Variants in SYT14 observed in about 807,000 individuals in gnomAD.
SYT14 encodes the protein synaptotagmin-14.
A neutral mutation model predicts 74.2 loss-of-function variants in SYT14; 32 were observed. The ratio of observed to expected loss-of-function variants is 0.43; its 90% CI spans 0.33 to 0.58. The LOEUF (loss-of-function observed/expected upper bound fraction) is 0.58, where lower values mean the gene tolerates loss of function less well. Ranked by LOEUF, SYT14 falls within the 20% of genes least tolerant of loss-of-function variation. SYT14 has a pLI of 0.05. For synonymous variants in SYT14, 298 were observed against 337.7 expected (o/e 0.88, Z 1.29); for missense variants, 791 against 981.8 (o/e 0.81, Z 2.60).
At chr1:210,067,753 C>T (rs1429232520) in intron 5 of SYT14, among the ~76,000 whole-genome samples, 1 of 151,770 alleles carries the variant, frequency 6.6e-6, no homozygotes, top group East Asian at 1.9e-4. Context: ...GGTGGTATTT[C>T]ACATTTTTGT....
chr1:209,955,304 A>AT (rs1379215258), intron 2 of SYT14, among the ~76,000 whole-genome samples: 1 of 152,002 alleles, frequency 6.6e-6, no homozygotes, highest in Non-Finnish European at 1.5e-5. Context: ...GCAAGTCTTG[A>AT]TTTTCTTACC....
intron 5 of SYT14, among the ~76,000 whole-genome samples, chr1:210,073,620 T>G (rs2081434995): frequency 6.6e-6 from 1 of 152,032 alleles, no homozygotes; most frequent in Admixed American, 6.5e-5. Context: ...CCCAACAAAC[T>G]GTACTGTTAA....
At chr1:210,132,438 G>C (rs1205704305) in intron 7 of SYT14, among the ~76,000 whole-genome samples, 5 of 152,030 alleles carry the variant, frequency 3.3e-5, no homozygotes, top group African/African-American at 1.2e-4. Flanking sequence ...GTGCAGGTTT[G>C]TTGTATAGGT....
intron 2 of SYT14, among the ~76,000 whole-genome samples, chr1:209,992,730 G>C (rs928525244): frequency 6.6e-6 from 1 of 152,030 alleles, no homozygotes; most frequent in African/African-American, 2.4e-5. Flanking sequence ...AAAACTGAAG[G>C]GGGGACAAGA....
At chr1:210,092,373 G>T (rs1397061761) in intron 5 of SYT14, among the ~76,000 whole-genome samples, 2 of 152,170 alleles carry the variant, frequency 1.3e-5, no homozygotes, top group Admixed American at 6.6e-5. Flanking sequence ...AAAGGGGCAT[G>T]CCAGTAGAGT....
chr1:209,973,919 G>A (rs1001393174), intron 2 of SYT14, among the ~76,000 whole-genome samples: 1 of 152,156 alleles, frequency 6.6e-6, no homozygotes, highest in African/African-American at 2.4e-5. Context: ...GGTGTGAGAT[G>A]GTATCTCATT....
intron 5 of SYT14, among the ~76,000 whole-genome samples, chr1:210,030,886 T>G (rs1044426523): frequency 2.0e-5 from 3 of 150,534 alleles, no homozygotes; most frequent in African/African-American, 7.3e-5. Flanking sequence ...TAAAACTAAT[T>G]AGTATGGGAA....
chr1:210,159,666 T>C (rs909306432), intron 9 of SYT14, among the ~76,000 whole-genome samples, 189 bp downstream of exon 8: 4 of 152,226 alleles, frequency 2.6e-5, no homozygotes, highest in Non-Finnish European at 5.9e-5. Flanking sequence ...TCAGAGCATA[T>C]ATGAAATAAG....
intron 7 of SYT14, among the ~76,000 whole-genome samples, chr1:210,127,487 G>T (rs572668692): frequency 6.6e-6 from 1 of 152,288 alleles, no homozygotes; most frequent in South Asian, 2.1e-4. Context: ...AAATGCAAGT[G>T]CTGGCATTTT....
intron 7 of SYT14, among the ~76,000 whole-genome samples, chr1:210,127,112 T>A (rs1018477582): frequency 3.3e-5 from 5 of 152,214 alleles, no homozygotes; most frequent in African/African-American, 1.2e-4. Context: ...CATACTCATT[T>A]ATAAGTTAAA....
chr1:210,170,720 AAAT>A (rs1466063579), exon 10 of SYT14: 1 of 152,184 alleles, frequency 6.6e-6, no homozygotes, highest in East Asian at 1.9e-4. Flanking sequence ...ACACAAAATA[AAAT>A]AATGTCAATT....
At chr1:210,047,147 T>A (rs1188059801) in intron 5 of SYT14, among the ~76,000 whole-genome samples, 1 of 152,150 alleles carries the variant, frequency 6.6e-6, no homozygotes, top group Non-Finnish European at 1.5e-5. Flanking sequence ...AAACCGGAAT[T>A]TAAGTAAATA....
At chr1:209,990,551 A>ATATATATGTG (rs1558114681) in intron 2 of SYT14, among the ~76,000 whole-genome samples, 1 of 113,132 alleles carries the variant, frequency 8.8e-6, no homozygotes, top group African/African-American at 3.0e-5. Context: ...ATATATATGT[A>ATATATATGTG]TATATATACG....
intron 5 of SYT14, among the ~76,000 whole-genome samples, chr1:210,026,572 T>C (rs1235942170): frequency 6.6e-6 from 1 of 150,856 alleles, no homozygotes; most frequent in Non-Finnish European, 1.5e-5. Context: ...AAAAATAATT[T>C]TCAGCATCAC....
At chr1:210,049,521 T>G (rs1020310411) in intron 5 of SYT14, among the ~76,000 whole-genome samples, 1 of 152,044 alleles carries the variant, frequency 6.6e-6, no homozygotes, top group Non-Finnish European at 1.5e-5. Context: ...CCATGATGGT[T>G]TGCTGTGTCC....
chr1:209,982,102 T>C (rs928920008), intron 2 of SYT14, among the ~76,000 whole-genome samples: 1 of 152,128 alleles, frequency 6.6e-6, no homozygotes, highest in South Asian at 2.1e-4. Flanking sequence ...CAGTAATTCA[T>C]AGGTTTGGTT....
chr1:209,978,594 G>A (rs1156758023), intron 2 of SYT14, among the ~76,000 whole-genome samples: 1 of 152,168 alleles, frequency 6.6e-6, no homozygotes, highest in African/African-American at 2.4e-5. Context: ...ACCTGGCCGT[G>A]TGAGGTGTCA....
chr1:210,056,674 A>AAAAAAAG (rs1374222153), intron 5 of SYT14, among the ~76,000 whole-genome samples: 1 of 147,410 alleles, frequency 6.8e-6, no homozygotes, highest in East Asian at 2.0e-4. Flanking sequence ...AAAAAAAAAA[A>AAAAAAAG]AATTAGCCGG....
chr1:210,071,001 A>G (rs1319016880), intron 5 of SYT14, among the ~76,000 whole-genome samples: 1 of 144,304 alleles, frequency 6.9e-6, no homozygotes, highest in East Asian at 2.2e-4. Context: ...GTGAGTCTTG[A>G]TAAAAACTTC....
Sources: gnomAD v4.1 joint callset for allele counts (sites outside exome capture counted in the v4.1 genomes callset) on GRCh38, gnomAD v4.1.1 for gene constraint, MANE v1.5 for transcripts, NCBI Gene and HGNC (gene_info 2026-07-23, HGNC 2026-07-21) for gene names.